FRMD6: variants seen among roughly 807,000 people sequenced by gnomAD.
FRMD6 encodes FERM domain containing 6.
A neutral mutation model predicts 73.2 loss-of-function variants in FRMD6; 37 were observed. The observed-to-expected ratio is 0.51, with a 90% CI of 0.39 to 0.66. The LOEUF (loss-of-function observed/expected upper bound fraction) is 0.66. Ranked by LOEUF, FRMD6 falls within the 30% of genes least tolerant of loss-of-function variation. The probability of loss-of-function intolerance (pLI) is 0.00; values close to 1 mark genes in which losing one functional copy is unlikely to be tolerated. For synonymous variants in FRMD6, 273 were observed against 282.2 expected (o/e 0.97, Z 0.33); for missense variants, 714 against 780.5 (o/e 0.91, Z 1.02).
chr14:51,701,212 A>G, intron 4 of FRMD6, 53 bp downstream of exon 4: 5 of 1,088,536 alleles, frequency 4.6e-6, no homozygotes, highest in Non-Finnish European at 6.7e-6. Context: ...AAAAATGTTT[A>G]TTTTAGCTGT....
chr14:51,664,008 G>T (rs753132722), intron 1 of FRMD6, among the ~76,000 whole-genome samples: 1 of 152,172 alleles, frequency 6.6e-6, no homozygotes, highest in East Asian at 1.9e-4. Flanking sequence ...CTATTGCATC[G>T]GGGATTAAGT....
intron 1 of FRMD6, among the ~76,000 whole-genome samples, chr14:51,494,071 A>G (rs957052475): frequency 6.6e-6 from 1 of 152,090 alleles, no homozygotes; most frequent in Non-Finnish European, 1.5e-5. Context: ...AAGGATTTCA[A>G]CCTATGAATT....
At chr14:51,637,494 C>CACAT (rs1279277590) in intron 2 of FRMD6, 1 of 142,232 alleles carries the variant, frequency 7.0e-6, no homozygotes, top group African/African-American at 2.9e-5. Flanking sequence ...CACACACACA[C>CACAT]ACACACATAT....
upstream of FRMD6, among the ~76,000 whole-genome samples, chr14:51,487,701 A>G (rs1882803003): frequency 6.6e-6 from 1 of 152,248 alleles, no homozygotes; most frequent in Non-Finnish European, 1.5e-5. Context: ...AAAGATTTTT[A>G]AAGTCTTTCA....
the FRMD6 span, among the ~76,000 whole-genome samples, chr14:51,462,410 T>C: frequency 6.6e-6 from 1 of 152,210 alleles, no homozygotes; most frequent in Non-Finnish European, 1.5e-5. Flanking sequence ...ACTCTTCCTT[T>C]GGTGAGACTG....
At chr14:51,515,834 C>T (rs1884604440) in intron 1 of FRMD6, among the ~76,000 whole-genome samples, 1 of 152,048 alleles carries the variant, frequency 6.6e-6, no homozygotes, top group Non-Finnish European at 1.5e-5. Context: ...CAATCTTTAC[C>T]TAGAGCCAAG....
At chr14:51,450,618 C>T in the FRMD6 span, among the ~76,000 whole-genome samples, 40 of 152,184 alleles carry the variant, frequency 2.6e-4, no homozygotes, top group African/African-American at 9.2e-4. Flanking sequence ...AGGAATCTAA[C>T]GTTTCCAGAT....
intron 1 of FRMD6, among the ~76,000 whole-genome samples, chr14:51,511,313 G>T (rs1327802317): frequency 6.6e-6 from 1 of 152,204 alleles, no homozygotes. Flanking sequence ...TATCATAGAG[G>T]CCAGTGGCCA....
chr14:51,652,534 C>G (rs1337669437), intron 1 of FRMD6, among the ~76,000 whole-genome samples: 1 of 152,236 alleles, frequency 6.6e-6, no homozygotes, highest in Non-Finnish European at 1.5e-5. Flanking sequence ...GCCTGTTGTG[C>G]GCGCGCAGAG....
intron 2 of FRMD6, among the ~76,000 whole-genome samples, chr14:51,696,740 C>A (rs1261756996): frequency 1.5e-5 from 2 of 131,038 alleles, no homozygotes; most frequent in Non-Finnish European, 3.3e-5. Context: ...TAGTGAGAGA[C>A]CCTGTCTCTA....
the FRMD6 span, among the ~76,000 whole-genome samples, chr14:51,452,335 G>A: frequency 6.6e-6 from 1 of 152,220 alleles, no homozygotes; most frequent in Admixed American, 6.5e-5. Context: ...TGCCTGGATT[G>A]TGACAGTTTT....
chr14:51,707,942 G>C, intron 6 of FRMD6, 136 bp from the exon 7 acceptor site: 1 of 714,466 alleles, frequency 1.4e-6, no homozygotes, highest in Non-Finnish European at 2.3e-6. Flanking sequence ...GGTGAAAACA[G>C]AATGAATTTT....
intron 2 of FRMD6, among the ~76,000 whole-genome samples, chr14:51,614,323 G>A (rs760911200): frequency 5.9e-5 from 9 of 152,084 alleles, no homozygotes; most frequent in African/African-American, 1.7e-4. Context: ...AACATACACC[G>A]TAGAATGAGA....
At chr14:51,648,213 G>T (rs985887377), upstream of FRMD6, among the ~76,000 whole-genome samples, 1 of 152,216 alleles carries the variant, frequency 6.6e-6, no homozygotes, top group Admixed American at 6.5e-5. Context: ...CTGGTGTCTA[G>T]AAAATACCTG....
intron 4 of FRMD6, among the ~76,000 whole-genome samples, chr14:51,702,175 A>AC (rs1266885548): frequency 6.6e-6 from 1 of 152,052 alleles, no homozygotes; most frequent in African/African-American, 2.4e-5. Flanking sequence ...AATGGTCACC[A>AC]CAGGGAACAG....
At chr14:51,657,859 GA>G (rs1431044702) in intron 1 of FRMD6, among the ~76,000 whole-genome samples, 1 of 152,204 alleles carries the variant, frequency 6.6e-6, no homozygotes, top group African/African-American at 2.4e-5. Flanking sequence ...GAATTGGTAA[GA>G]GGAAGGAGGC....
chr14:51,692,003 T>G (rs963084601), intron 2 of FRMD6, among the ~76,000 whole-genome samples: 2 of 152,208 alleles, frequency 1.3e-5, no homozygotes. Context: ...CTAAGAAAAG[T>G]TTCTGCTTAT....
intron 1 of FRMD6, among the ~76,000 whole-genome samples, chr14:51,512,140 C>G (rs571858079): frequency 2.6e-5 from 4 of 152,176 alleles, no homozygotes; most frequent in Non-Finnish European, 5.9e-5. Context: ...TGAAGTCTAG[C>G]CAGGCTATCC....
At chr14:51,703,869 T>C (rs1896475344) in intron 5 of FRMD6, among the ~76,000 whole-genome samples, 1 of 152,118 alleles carries the variant, frequency 6.6e-6, no homozygotes, top group African/African-American at 2.4e-5. Context: ...TGAAATAATG[T>C]AGAGGCAAAT....
Sources: gnomAD v4.1 joint callset for allele counts (sites outside exome capture counted in the v4.1 genomes callset) on GRCh38, gnomAD v4.1.1 for gene constraint, MANE v1.5 for transcripts, NCBI Gene and HGNC (gene_info 2026-07-23, HGNC 2026-07-21) for gene names.